Variants in WNK3 observed in about 807,000 individuals in gnomAD.
WNK3 encodes WNK lysine deficient protein kinase 3.
Under a neutral mutation model 116.7 loss-of-function variants are expected in WNK3, and 18 were observed. The observed-to-expected ratio is 0.15, with a 90% confidence interval of 0.11 to 0.23. The LOEUF (loss-of-function observed/expected upper bound fraction) is 0.23. Among genes scored for constraint, WNK3 ranks in the 10% least tolerant of loss-of-function variants. The pLI, the probability that WNK3 is intolerant of heterozygous loss-of-function variation, is 1.00. For missense variants in WNK3, 993 were observed against 1,323.8 expected, an observed-to-expected ratio of 0.75 and a Z score of 3.88; for synonymous variants, 404 against 469.4, an observed-to-expected ratio of 0.86 and a Z score of 1.80.
chrX:54,222,941 A>ATATATAT (rs59332285), intron 22 of WNK3, among the ~76,000 whole-genome samples: 29 of 84,067 alleles, frequency 3.4e-4, no homozygotes, highest in South Asian at 2.0e-3. Context: ...TATATATATA[A>ATATATAT]AAAAAGACAC....
At chrX:54,219,028 T>G (rs782366163) in intron 22 of WNK3, among the ~76,000 whole-genome samples, 4 of 111,123 alleles carry the variant, frequency 3.6e-5, no homozygotes, top group Non-Finnish European at 7.6e-5. Flanking sequence ...TAATAGGAGT[T>G]CCAAAAATAG....
intron 19 of WNK3, 66 bp from the exon 20 acceptor site, chrX:54,237,617 T>C: frequency 9.6e-7 from 1 of 1,046,186 alleles, no homozygotes. Flanking sequence ...CTGTGATGTA[T>C]ATGTATTGAT....
rs782766135 is a variant in WNK3, at chrX:54,251,529, C to G, written c.2523+3G>C. The G allele has an allele frequency of 1.7e-6, 2 of 1,207,852 alleles. No homozygotes were observed. Among genetic ancestry groups the G allele is most frequent in the South Asian group, 3.6e-5 (2 of 56,312 alleles). On this transcript the variant is annotated splice_donor_region_variant and intron_variant, in intron 14 of 23. Transcript: ENST00000354646. ...GATCTGTTTGCTAAACAATTGTTCT[C>G]ACCTGGCTACTGTTGGAGTCCACAG...
At chrX:54,335,664 CAAAAT>C (rs1167433141) in intron 1 of WNK3, among the ~76,000 whole-genome samples, 2 of 111,800 alleles carry the variant, frequency 1.8e-5, no homozygotes, top group African/African-American at 6.5e-5. Context: ...CTAAAATAAA[CAAAAT>C]AAAAATAAAA....
chrX:54,281,698 C>T (rs1426463303), intron 10 of WNK3, among the ~76,000 whole-genome samples: 13 of 111,591 alleles, frequency 1.2e-4, no homozygotes, highest in Non-Finnish European at 1.9e-4. Flanking sequence ...TCTGGCTTCA[C>T]TTAGCATAAT....
At chrX:54,277,627 C>T (rs1423947726) in intron 10 of WNK3, among the ~76,000 whole-genome samples, 12 of 111,060 alleles carry the variant, frequency 1.1e-4, no homozygotes, top group Non-Finnish European at 1.7e-4. Context: ...TGAGCCAACG[C>T]GCCCGGCCAT....
chrX:54,247,789 T>C (rs1322646322), intron 17 of WNK3, among the ~76,000 whole-genome samples: 1 of 111,433 alleles, frequency 9.0e-6, no homozygotes, highest in African/African-American at 3.3e-5. Flanking sequence ...ACAGTATGTA[T>C]ACAGCACAGT....
intron 10 of WNK3, among the ~76,000 whole-genome samples, chrX:54,274,948 C>T (rs1005392998): frequency 1.4e-4 from 14 of 103,697 alleles, no homozygotes; most frequent in Admixed American, 1.2e-3. Flanking sequence ...GAGGTTGAGG[C>T]TACAGTAGAC....
chrX:54,321,405 C>T (rs781873716), intron 2 of WNK3, among the ~76,000 whole-genome samples: 137 of 111,620 alleles, frequency 1.2e-3, no homozygotes, highest in African/African-American at 4.4e-3. Flanking sequence ...GAATCCAAAG[C>T]ACTTTCTGGT....
intron 2 of WNK3, among the ~76,000 whole-genome samples, chrX:54,319,032 C>A (rs1451829116): frequency 9.0e-6 from 1 of 110,773 alleles, no homozygotes; most frequent in African/African-American, 3.3e-5. Context: ...CCCACCTCGG[C>A]CTCCCAAAGT....
chrX:54,281,260 G>A (rs1293492814), intron 10 of WNK3, among the ~76,000 whole-genome samples: 7 of 111,083 alleles, frequency 6.3e-5, no homozygotes, highest in African/African-American at 9.8e-5. Flanking sequence ...TGAAGTGGGC[G>A]GATCACTTGA....
intron 1 of WNK3, among the ~76,000 whole-genome samples, chrX:54,342,110 T>TA (rs1424446471): frequency 9.2e-6 from 1 of 108,502 alleles, no homozygotes; most frequent in Non-Finnish European, 1.9e-5. Context: ...AAAACAAAAT[T>TA]AAAAAAAATA....
At position 54,238,985 on chromosome X, in the gene WNK3, TA is replaced by T; in HGVS notation, c.3765del (p.Phe1255LeufsTer19). The T allele has an allele frequency of 8.3e-7, 1 of 1,210,297 alleles. No individual in the cohort carries two copies. Among genetic ancestry groups the T allele is most frequent in the Non-Finnish European group, 1.1e-6 (1 of 895,024 alleles). On this transcript the variant is annotated frameshift_variant, in exon 18 of 24. Transcript: ENST00000354646. LOFTEE classifies it high-confidence loss of function. Reference sequence around the variant, plus strand: ...ATAGGATTTTTGAGACTAGGACAAGTAAAGCTTAGGCCAAAATATCCACCTC... The same window carrying T: ...ATAGGATTTTTGAGACTAGGACAAGTAAGCTTAGGCCAAAATATCCACCTC...
At chrX:54,323,194 T>A (rs1434237506) in intron 2 of WNK3, among the ~76,000 whole-genome samples, 1 of 111,401 alleles carries the variant, frequency 9.0e-6, no homozygotes, top group Non-Finnish European at 1.9e-5. Context: ...AAGATTATTA[T>A]CACCAGTAAT....
At chrX:54,305,643 T>A (rs970596254) in intron 5 of WNK3, among the ~76,000 whole-genome samples, 10 of 111,072 alleles carry the variant, frequency 9.0e-5, no homozygotes, top group Non-Finnish European at 1.9e-4. Flanking sequence ...CAGACAGACT[T>A]GGGGTCAAAA....
chrX:54,309,072 G>C lies in WNK3; in HGVS notation c.931+23C>G, dbSNP rs1301124154. 3 of 1,177,171 alleles carry C rather than the reference G, an allele frequency of 2.5e-6. No individual in the cohort carries two copies. In the African/African-American group the frequency reaches 5.3e-5, roughly 21 times the overall value. ...TGAAAAATCTCTCTTTACCCAACCA[G>C]TAAACTGTAAAACTTTAATCACCAA... On this transcript the variant is annotated intron_variant, in intron 4 of 23. Transcript: ENST00000354646.
chrX:54,236,173 G>A (rs781937182), intron 20 of WNK3, among the ~76,000 whole-genome samples: 46 of 111,075 alleles, frequency 4.1e-4, no homozygotes, highest in East Asian at 2.2e-3. Flanking sequence ...AGTGGCGCAC[G>A]ATCTGGGCTC....
intron 13 of WNK3, among the ~76,000 whole-genome samples, chrX:54,253,182 A>C (rs1223652155): frequency 9.2e-6 from 1 of 108,773 alleles, no homozygotes; most frequent in African/African-American, 3.3e-5. Flanking sequence ...GTAGCCACAA[A>C]AATTAAAAAA....
At chrX:54,302,768 T>TA (rs1470008793) in intron 5 of WNK3, among the ~76,000 whole-genome samples, 2 of 77,520 alleles carry the variant, frequency 2.6e-5, no homozygotes, top group Non-Finnish European at 4.9e-5. Flanking sequence ...TTTTTTTTTT[T>TA]TTTTTTATTT....
Sources: allele counts gnomAD v4.1 joint callset (sites outside exome capture counted in the v4.1 genomes callset), GRCh38; gene constraint gnomAD v4.1.1; transcripts MANE v1.5; gene names NCBI Gene and HGNC (gene_info 2026-07-23, HGNC 2026-07-21).